RPS6KA2: variants seen among roughly 807,000 people sequenced by gnomAD.
RPS6KA2 encodes the protein ribosomal protein S6 kinase alpha-2.
Under a neutral mutation model 91.8 loss-of-function variants are expected in RPS6KA2, and 42 were observed. That is an observed-to-expected ratio of 0.46 (90% CI 0.36 to 0.59). The LOEUF is 0.59. RPS6KA2 is among the 20% of genes least tolerant of loss of function. The pLI, the probability that RPS6KA2 is intolerant of heterozygous loss-of-function variation, is 0.00. For synonymous variants in RPS6KA2, 414 were observed against 393.6 expected, an observed-to-expected ratio of 1.05 and a Z score of -0.61; for missense variants, 798 against 978.5, an observed-to-expected ratio of 0.82 and a Z score of 2.46.
At position 166,498,589 on chromosome 6, in the gene RPS6KA2, C is replaced by G. The variant is rs111715918; in HGVS notation, c.666G>C (p.Thr222=). 6 of 1,613,872 alleles carry G rather than the reference C, an allele frequency of 3.7e-6. No individual in the cohort carries two copies. Among genetic ancestry groups the G allele is most frequent in the Admixed American group, 1.7e-5 (1 of 59,952 alleles). Residue 222 remains threonine, a synonymous_variant, in exon 8 of 21, where the codon ACG becomes ACC. Transcript: ENST00000265678. ...HDKRAYSFCG[T]IEYMAPEVVN... is the part of the protein sequence containing the mutation. Reference sequence around the variant, plus strand: ...CCACCTCGGGCGCCATGTACTCGATCGTCCCGCAGAAGGAGTACGCTCTCT... The same window carrying G: ...CCACCTCGGGCGCCATGTACTCGATGGTCCCGCAGAAGGAGTACGCTCTCT...
At chr6:166,681,195 A>G (rs868418434) in intron 2 of RPS6KA2, among the ~76,000 whole-genome samples, 1 of 152,232 alleles carries the variant, frequency 6.6e-6, no homozygotes, top group South Asian at 2.1e-4. Flanking sequence ...AGGATGTACC[A>G]AAACTGCAGG....
chr6:166,840,401 C>G (rs573558071), intron 2 of RPS6KA2, among the ~76,000 whole-genome samples: 1 of 152,318 alleles, frequency 6.6e-6, no homozygotes, highest in Admixed American at 6.5e-5. Flanking sequence ...GCCCGGGGAC[C>G]CTCTGTGGCT....
In RPS6KA2 at chr6:166,412,053, C is replaced by T. The variant is rs549392972; in HGVS notation, c.*709G>A. The stretch of plus-strand genomic sequence containing the variant: ...ACACAGGCTCCTCCGAGAGGCACCC[C>T]CTTCCATCCTGGTGACACGGAGCTC... On this transcript the variant is annotated 3_prime_UTR_variant, in exon 21 of 21. Transcript: ENST00000265678. This position sits in a 1 kb window ranked among gnomAD's most constrained non-coding sequence, Gnocchi z 4.3. 2.0e-5 allele frequency: 3 copies of T among 152,452 alleles called. No individual in the cohort carries two copies. Among genetic ancestry groups the T allele is most frequent in the Non-Finnish European group, 4.4e-5 (3 of 68,170 alleles). 9.4% of individuals were successfully genotyped at this position (152,452 alleles called of 1,614,324 possible).
rs1276498381 is a variant in RPS6KA2 at position 166,490,481 on chromosome 6, A to G, written c.818+190T>C. Among the ~76,000 whole-genome samples the G allele has an allele frequency of 6.6e-6, 1 of 152,154 alleles. No homozygotes were observed. Among genetic ancestry groups the G allele is most frequent in the African/African-American group, 2.4e-5 (1 of 41,434 alleles). On this transcript the variant is annotated intron_variant, in intron 9 of 20. Transcript: ENST00000265678. This position sits in a 1 kb window ranked among gnomAD's most constrained non-coding sequence, Gnocchi z 4.2. Reference sequence around the variant, plus strand: ...TCATTAGAATGCCCAGCACCCTATTACCACTGCTACTGGCGGACGAGCGCT... The same window carrying G: ...TCATTAGAATGCCCAGCACCCTATTGCCACTGCTACTGGCGGACGAGCGCT...
In RPS6KA2 at chr6:166,490,167, C is replaced by T. The variant is rs1025310925; in HGVS notation, c.818+504G>A. 2.6e-5 allele frequency among the ~76,000 whole-genome samples: 4 copies of T among 152,126 alleles called. No homozygotes were observed. The highest frequency in any genetic ancestry group is 4.4e-5 in the Non-Finnish European group (3 of 68,026). On this transcript the variant is annotated intron_variant, in intron 9 of 20. Coordinates refer to ENST00000265678, the MANE Select transcript of RPS6KA2 (RefSeq NM_021135.6). This position sits in a 1 kb window ranked among gnomAD's most constrained non-coding sequence, Gnocchi z 4.2. ...GTTTGTATCCAGTCACATGGTAAAA[C>T]GATACCGAGTCCTGCCAAGGTCAAC...
At chr6:166,509,726 G>GA (rs1192609688) in intron 4 of RPS6KA2, among the ~76,000 whole-genome samples, 1 of 152,156 alleles carries the variant, frequency 6.6e-6, no homozygotes, top group Non-Finnish European at 1.5e-5. Flanking sequence ...TCTCTGTTGG[G>GA]ATAAAAAGGC....
chr6:166,862,039 G>GC (rs1264598433), intron 1 of RPS6KA2: 11 of 1,595,208 alleles, frequency 6.9e-6, no homozygotes, highest in Non-Finnish European at 9.5e-6. Flanking sequence ...TAGTAAATGA[G>GC]CAATGCATTG....
At chr6:166,498,684 TCTCTGG>T in intron 7 of RPS6KA2, 34 bp from the exon 8 acceptor site, 1 of 1,610,616 alleles carries the variant, frequency 6.2e-7, no homozygotes, top group Non-Finnish European at 8.5e-7. Flanking sequence ...ACTGCCTCAG[TCTCTGG>T]GTGTGTTCGG....
In RPS6KA2 at chr6:166,626,707, C is replaced by G. The variant is rs1403645754; in HGVS notation, c.99+214G>C. Among the ~76,000 whole-genome samples the G allele has an allele frequency of 6.6e-6, 1 of 152,208 alleles. No homozygotes were observed. Among genetic ancestry groups the G allele is most frequent in the Non-Finnish European group, 1.5e-5 (1 of 68,042 alleles). On this transcript the variant is annotated intron_variant, in intron 1 of 20. Transcript: ENST00000265678. This position sits in a 1 kb window ranked among gnomAD's most constrained non-coding sequence, Gnocchi z 4.1. ...TGGAAATGCAGTGGGGGTGGAGTTG[C>G]CCCCGCGAGGACCCACGGACCGCCC...
intron 2 of RPS6KA2, among the ~76,000 whole-genome samples, chr6:166,679,789 G>C (rs1039459962): frequency 2.6e-5 from 4 of 152,238 alleles, no homozygotes; most frequent in South Asian, 4.1e-4. Context: ...CTGGGGTTGC[G>C]AGTGGTGCTC....
intron 2 of RPS6KA2, among the ~76,000 whole-genome samples, chr6:166,824,745 CTGTA>C (rs1245632763): frequency 9.5e-6 from 1 of 105,014 alleles, no homozygotes; most frequent in Non-Finnish European, 2.0e-5. Context: ...GTGTGTATGT[CTGTA>C]TGTCTGTGTG....
At chr6:166,509,819 A>G (rs775070694) in intron 4 of RPS6KA2, among the ~76,000 whole-genome samples, 1 of 152,256 alleles carries the variant, frequency 6.6e-6, no homozygotes, top group Non-Finnish European at 1.5e-5. Flanking sequence ...CATGAAAATA[A>G]TAAGCTACCT....
chr6:166,486,174 G>A (rs192368590), intron 10 of RPS6KA2, among the ~76,000 whole-genome samples: 1 of 152,322 alleles, frequency 6.6e-6, no homozygotes, highest in East Asian at 1.9e-4. Flanking sequence ...ACTTTGCTGA[G>A]GGGGTCCCAG....
Position 166,770,862 on chromosome 6 carries a change from C to T in RPS6KA2, c.123+87338G>A. The T allele has an allele frequency of 6.3e-7, 1 of 1,595,164 alleles. No individual in the cohort carries two copies. The highest frequency in any genetic ancestry group is 8.5e-7 in the Non-Finnish European group (1 of 1,179,040). On this transcript the variant is annotated intron_variant, in intron 2 of 21. Transcript: ENST00000503859. The surrounding 1 kb of genome is among the most constrained non-coding windows in gnomAD (Gnocchi z 5.1). ...AACAAACCCACAGGAACGCTTCTTA[C>T]CTCTACGGATCCAGCTACCTTTGTC...
intron 2 of RPS6KA2, among the ~76,000 whole-genome samples, chr6:166,810,774 T>C (rs901553031): frequency 1.3e-5 from 2 of 152,238 alleles, no homozygotes; most frequent in African/African-American, 4.8e-5. Context: ...GATGAGAAGT[T>C]TGGACACATG....
At chr6:166,621,600 A>T (rs1227047074) in intron 1 of RPS6KA2, among the ~76,000 whole-genome samples, 1 of 152,234 alleles carries the variant, frequency 6.6e-6, no homozygotes, top group Non-Finnish European at 1.5e-5. Context: ...TGTAATCAGA[A>T]ATAAAAGCAG....
chr6:166,855,059 G>A (rs188460465), intron 2 of RPS6KA2, among the ~76,000 whole-genome samples: 7 of 152,290 alleles, frequency 4.6e-5, no homozygotes, highest in Admixed American at 2.6e-4. Flanking sequence ...GGTTGGAACC[G>A]GAGGCCATTA....
At chr6:166,536,601 C>T (rs1783486484) in intron 2 of RPS6KA2, among the ~76,000 whole-genome samples, 1 of 152,144 alleles carries the variant, frequency 6.6e-6, no homozygotes, top group African/African-American at 2.4e-5. Context: ...CAGAGTCCAG[C>T]TCGCATTAAT....
intron 2 of RPS6KA2, among the ~76,000 whole-genome samples, chr6:166,803,310 T>C (rs1583136540): frequency 6.6e-6 from 1 of 152,236 alleles, no homozygotes; most frequent in African/African-American, 2.4e-5. Flanking sequence ...TTGACGACTG[T>C]AAGTTTCATT....
Sources: allele counts gnomAD v4.1 joint callset (sites outside exome capture counted in the v4.1 genomes callset), GRCh38; gene constraint gnomAD v4.1.1; non-coding constraint Gnocchi (gnomAD v3.1); transcripts MANE v1.5; gene names NCBI Gene and HGNC (gene_info 2026-07-23, HGNC 2026-07-21).